ZDHHC18: variants seen among roughly 807,000 people sequenced by gnomAD.
ZDHHC18 encodes the protein zDHHC palmitoyltransferase 18.
Under a neutral mutation model 37.5 loss-of-function variants are expected in ZDHHC18, and 23 were observed. The observed-to-expected ratio is 0.61, with a 90% CI of 0.44 to 0.87. The LOEUF is 0.87. Ranked by LOEUF, ZDHHC18 falls within the 40% of genes least tolerant of loss-of-function variation. The probability of loss-of-function intolerance (pLI) is 0.00; values close to 1 mark genes in which losing one functional copy is unlikely to be tolerated. For missense variants in ZDHHC18, 406 were observed against 525.6 expected, an observed-to-expected ratio of 0.77 and a Z score of 2.22; for synonymous variants, 185 against 218.7, an observed-to-expected ratio of 0.85 and a Z score of 1.36.
At chr1:26,838,806 TC>T (rs1234303864) in intron 2 of ZDHHC18, among the ~76,000 whole-genome samples, 1 of 152,258 alleles carries the variant, frequency 6.6e-6, no homozygotes, top group African/African-American at 2.4e-5. Context: ...GGCGGGCTCT[TC>T]CTGTATCCAC....
intron 2 of ZDHHC18, among the ~76,000 whole-genome samples, chr1:26,836,445 C>A (rs376295412): frequency 1.2e-4 from 18 of 152,176 alleles, no homozygotes; most frequent in Admixed American, 1.0e-3. Context: ...CCCTGTCCCC[C>A]CACAAACCCC....
In ZDHHC18 at chr1:26,856,254, G is replaced by A. The variant is rs757237737; in HGVS notation, c.*2411G>A. The A allele has an allele frequency of 2.2e-6, 1 of 446,958 alleles. No individual in the cohort carries two copies. Among genetic ancestry groups the A allele is most frequent in the African/African-American group, 2.0e-5 (1 of 49,898 alleles). The allele number at this position is 446,958 out of a possible 1,614,324, so 27.7% of individuals were successfully genotyped here. ...GGAGCTAACAGGCCTCTTTGCAGAGGGTTAGCTGGTAAGACCGTTTCTTCC... is the reference window on the plus strand; with the variant it reads ...GGAGCTAACAGGCCTCTTTGCAGAGAGTTAGCTGGTAAGACCGTTTCTTCC... On this transcript the variant is annotated 3_prime_UTR_variant, in exon 8 of 8. Transcript: ENST00000374142. This position sits in a 1 kb window ranked among gnomAD's most constrained non-coding sequence, Gnocchi z 5.2.
intron 2 of ZDHHC18, among the ~76,000 whole-genome samples, chr1:26,833,445 C>G (rs1177206640): frequency 6.6e-6 from 1 of 151,958 alleles, no homozygotes; most frequent in Non-Finnish European, 1.5e-5. Flanking sequence ...GGGGAGACCT[C>G]TAGGAGGAGG....
intron 2 of ZDHHC18, among the ~76,000 whole-genome samples, chr1:26,837,467 A>G (rs1027597658): frequency 6.8e-6 from 1 of 146,720 alleles, no homozygotes; most frequent in Admixed American, 6.9e-5. Context: ...TATATTATTT[A>G]TTTATTTATT....
Position 26,856,344 on chromosome 1 carries a change from C to A in ZDHHC18, c.*2501C>A. The stretch of plus-strand genomic sequence containing the variant: ...CATCCTCATCGCATGCCTCGCCAAC[C>A]CCATGGAGCCCGTCCATCTGTCTGG... On this transcript the variant is annotated 3_prime_UTR_variant, in exon 8 of 8. Transcript: ENST00000374142. The surrounding 1 kb of genome is among the most constrained non-coding windows in gnomAD (Gnocchi z 5.2). 1 of 382,012 alleles carries A rather than the reference C, an allele frequency of 2.6e-6. No individual in the cohort carries two copies. Among genetic ancestry groups the A allele is most frequent in the South Asian group, 1.8e-5 (1 of 55,260 alleles). 23.7% of individuals were successfully genotyped at this position (382,012 alleles called of 1,614,324 possible).
chr1:26,843,854 C>T (rs543956763), intron 2 of ZDHHC18, among the ~76,000 whole-genome samples: 1 of 152,194 alleles, frequency 6.6e-6, no homozygotes, highest in African/African-American at 2.4e-5. Context: ...TGAATGTACA[C>T]ATGTAATCAG....
chr1:26,854,561 G>A lies in ZDHHC18; in HGVS notation c.*718G>A, dbSNP rs2081723792. On this transcript the variant is annotated 3_prime_UTR_variant, in exon 8 of 8. Transcript: ENST00000374142. This position sits in a 1 kb window ranked among gnomAD's most constrained non-coding sequence, Gnocchi z 4.6. ...CTGGTCCTTCCCCTGCCCATGGAGAGCTCTTTAAGGGATCCCAGCCTGCCC... is the reference window on the plus strand; with the variant it reads ...CTGGTCCTTCCCCTGCCCATGGAGAACTCTTTAAGGGATCCCAGCCTGCCC... The A allele has an allele frequency of 6.6e-6, 1 of 152,564 alleles. No individual in the cohort carries two copies. The highest frequency in any genetic ancestry group is 6.6e-5 in the Admixed American group (1 of 15,264). The allele number at this position is 152,564 out of a possible 1,614,324, so 9.5% of individuals were successfully genotyped here.
At chr1:26,837,176 C>T (rs1341305255) in intron 2 of ZDHHC18, among the ~76,000 whole-genome samples, 1 of 147,750 alleles carries the variant, frequency 6.8e-6, no homozygotes, top group Admixed American at 6.8e-5. Flanking sequence ...TGGTGTGAAC[C>T]TGGGAGGCGG....
At chr1:26,853,243 T>C (rs2081715687) in intron 7 of ZDHHC18, 1 of 258,554 alleles carries the variant, frequency 3.9e-6, no homozygotes, top group South Asian at 5.0e-5. Context: ...TCAGCCCTGC[T>C]GGGTCACTCC....
At chr1:26,846,671 T>A (rs749706276) in intron 2 of ZDHHC18, among the ~76,000 whole-genome samples, 1 of 151,994 alleles carries the variant, frequency 6.6e-6, no homozygotes, top group Non-Finnish European at 1.5e-5. Flanking sequence ...GCAGGAAGGA[T>A]TATAGTACAA....
In ZDHHC18 at chr1:26,855,617, G is replaced by A. The variant is rs2081730055; in HGVS notation, c.*1774G>A. The A allele has an allele frequency of 6.5e-6, 1 of 153,118 alleles. No individual in the cohort carries two copies. The highest frequency in any genetic ancestry group is 1.5e-5 in the Non-Finnish European group (1 of 68,338). 9.5% of individuals were successfully genotyped at this position (153,118 alleles called of 1,614,324 possible). ...TGGGCCATCACTGCAGTGGCCCTGGGAGGTGAGGAAGAAGCTGGCTAGAGG... is the reference window on the plus strand; with the variant it reads ...TGGGCCATCACTGCAGTGGCCCTGGAAGGTGAGGAAGAAGCTGGCTAGAGG... On this transcript the variant is annotated 3_prime_UTR_variant, in exon 8 of 8. Transcript: ENST00000374142.
At chr1:26,851,103 C>T in intron 5 of ZDHHC18, 26 bp from the exon 6 acceptor site, 1 of 1,605,222 alleles carries the variant, frequency 6.2e-7, no homozygotes, top group Non-Finnish European at 8.5e-7. Flanking sequence ...CACCCTCCAC[C>T]CATTGAAGTC....
chr1:26,854,365 C>G lies in ZDHHC18; in HGVS notation c.*522C>G, dbSNP rs954858294. ...TCTGTGGGATTTTTGGTGGGGTTTT[C>G]CCCCCTTTTTTATGGAGTTGGCCAA... On this transcript the variant is annotated 3_prime_UTR_variant, in exon 8 of 8. Coordinates refer to ENST00000374142, the MANE Select transcript of ZDHHC18 (RefSeq NM_032283.3). This position sits in a 1 kb window ranked among gnomAD's most constrained non-coding sequence, Gnocchi z 4.6. 1 of 152,736 alleles carries G rather than the reference C, an allele frequency of 6.5e-6. No individual in the cohort carries two copies. Among genetic ancestry groups the G allele is most frequent in the African/African-American group, 2.4e-5 (1 of 41,420 alleles). The allele number at this position is 152,736 out of a possible 1,614,324, so 9.5% of individuals were successfully genotyped here.
chr1:26,855,569 G>A lies in ZDHHC18; in HGVS notation c.*1726G>A, dbSNP rs1479407850. The A allele has an allele frequency of 6.5e-6, 1 of 152,752 alleles. No individual in the cohort carries two copies. The highest frequency in any genetic ancestry group is 1.5e-5 in the Non-Finnish European group (1 of 68,146). The allele number at this position is 152,752 out of a possible 1,614,324, so 9.5% of individuals were successfully genotyped here. On this transcript the variant is annotated 3_prime_UTR_variant, in exon 8 of 8. Coordinates refer to ENST00000374142, the MANE Select transcript of ZDHHC18 (RefSeq NM_032283.3). ...CAGAGGGTCCCCTCTGGGAGAAACAGCTTCACCCCAGCCTCAGGGCCCTGG... is the reference window on the plus strand; with the variant it reads ...CAGAGGGTCCCCTCTGGGAGAAACAACTTCACCCCAGCCTCAGGGCCCTGG...
chr1:26,832,365 A>G, intron 1 of ZDHHC18, 82 bp from the exon 2 acceptor site: 1 of 1,550,976 alleles, frequency 6.4e-7, no homozygotes. Flanking sequence ...TGTTGGAATG[A>G]CAGCGCCTGC....
intron 2 of ZDHHC18, among the ~76,000 whole-genome samples, chr1:26,848,328 A>G (rs1281680802): frequency 2.0e-5 from 3 of 151,640 alleles, no homozygotes; most frequent in Non-Finnish European, 2.9e-5. Context: ...AAAAAAAAAA[A>G]CCCTCACTAA....
Position 26,850,571 on chromosome 1 carries a change from C to G in ZDHHC18, c.798C>G (p.Ser266Arg). Residue 266 changes from serine to arginine, a missense_variant, in exon 5 of 8, where the codon AGC becomes AGG. Transcript: ENST00000374142. This position sits in a 1 kb window ranked among gnomAD's most constrained non-coding sequence, Gnocchi z 6.1. Reference sequence around the variant, plus strand: ...CTTTCTCCCCAGGCGCTCAGGGAAGCAACTTCCTCTCCACTCTGAAGGAGA... The same window carrying G: ...CTTTCTCCCCAGGCGCTCAGGGAAGGAACTTCCTCTCCACTCTGAAGGAGA... ...VTHLTLRAQG[S>R]NFLSTLKETP... is the part of the protein sequence containing the mutation. The G allele has an allele frequency of 6.2e-7, 1 of 1,614,196 alleles. No homozygotes were observed.
In ZDHHC18 at chr1:26,857,493, G is replaced by A. The variant is rs934235257; in HGVS notation, c.*3650G>A. 6.6e-6 allele frequency: 1 copy of A among 152,126 alleles called. No individual in the cohort carries two copies. Among genetic ancestry groups the A allele is most frequent in the Non-Finnish European group, 1.5e-5 (1 of 68,084 alleles). The allele number at this position is 152,126 out of a possible 1,614,324, so 9.4% of individuals were successfully genotyped here. On this transcript the variant is annotated 3_prime_UTR_variant, in exon 8 of 8. Coordinates refer to ENST00000374142, the MANE Select transcript of ZDHHC18 (RefSeq NM_032283.3). ...ATACACTTCAGGGGACTAAAGGAAA[G>A]AGCTGAGCCAAGGAAAATCAGCTGA... is the stretch of plus-strand genomic sequence containing the variant.
At chr1:26,847,005 C>CA (rs2081671988) in intron 2 of ZDHHC18, among the ~76,000 whole-genome samples, 1 of 151,986 alleles carries the variant, frequency 6.6e-6, no homozygotes. Flanking sequence ...AAGCGATTCT[C>CA]CTGCCTCAGC....
Sources: allele counts gnomAD v4.1 joint callset (sites outside exome capture counted in the v4.1 genomes callset), GRCh38; gene constraint gnomAD v4.1.1; non-coding constraint Gnocchi (gnomAD v3.1); transcripts MANE v1.5; gene names NCBI Gene and HGNC (gene_info 2026-07-23, HGNC 2026-07-21).